The following RANBP2 variants were observed in gnomAD, a reference collection of about 807,000 sequenced individuals.
RANBP2 encodes the protein RAN binding protein 2.
In RANBP2, 57 loss-of-function variants were observed where a neutral mutation model predicts 303.6. That is an observed-to-expected ratio of 0.19 (90% CI 0.15 to 0.23). RANBP2 has a LOEUF of 0.23. RANBP2 is among the 10% of genes least tolerant of loss of function. The pLI, the probability that RANBP2 is intolerant of heterozygous loss-of-function variation, is 1.00. For missense variants in RANBP2, 3,138 were observed against 3,780.8 expected, an observed-to-expected ratio of 0.83 and a Z score of 4.46; for synonymous variants, 1,167 against 1,301.5, an observed-to-expected ratio of 0.90 and a Z score of 2.23.
the RANBP2 span, among the ~76,000 whole-genome samples, chr2:109,143,389 T>G: frequency 2.0e-5 from 3 of 152,182 alleles, no homozygotes; most frequent in African/African-American, 4.8e-5. Flanking sequence ...CATTTCAGCA[T>G]TATTCACAGG....
the RANBP2 span, among the ~76,000 whole-genome samples, chr2:109,651,726 C>G: frequency 1.3e-5 from 2 of 152,166 alleles, no homozygotes; most frequent in African/African-American, 2.4e-5. Flanking sequence ...GACAAGGAGG[C>G]CTGGGAAGAA....
chr2:109,699,268 T>C, the RANBP2 span, among the ~76,000 whole-genome samples: 1 of 152,238 alleles, frequency 6.6e-6, no homozygotes, highest in African/African-American at 2.4e-5. Flanking sequence ...GCGCATTTTC[T>C]TTAGTACTCT....
chr2:109,079,096 AT>A, the RANBP2 span, among the ~76,000 whole-genome samples: 1 of 152,164 alleles, frequency 6.6e-6, no homozygotes, highest in African/African-American at 2.4e-5. Context: ...ATGCGTTTAA[AT>A]TACAAGAGTC....
chr2:109,562,764 A>C, the RANBP2 span, among the ~76,000 whole-genome samples: 1 of 152,172 alleles, frequency 6.6e-6, no homozygotes, highest in Non-Finnish European at 1.5e-5. Context: ...GTCTCCTCTG[A>C]GAAACACTAG....
At chr2:108,861,472 C>CTTTTTTTTTTTTTTTTTTTTTTT in the RANBP2 span, among the ~76,000 whole-genome samples, 1 of 123,552 alleles carries the variant, frequency 8.1e-6, no homozygotes, top group Admixed American at 7.7e-5. Context: ...AACTTTCTTC[C>CTTTTTTTTTTTTTTTTTTTTTTT]TTTTTTTTTT....
At chr2:108,810,909 T>TA in the RANBP2 span, among the ~76,000 whole-genome samples, 1 of 152,172 alleles carries the variant, frequency 6.6e-6, no homozygotes, top group Non-Finnish European at 1.5e-5. Context: ...GGTTCAGTCT[T>TA]ACGTTATATG....
the RANBP2 span, among the ~76,000 whole-genome samples, chr2:109,700,013 T>A: frequency 6.6e-6 from 1 of 152,232 alleles, no homozygotes; most frequent in Non-Finnish European, 1.5e-5. Flanking sequence ...GTTTAAGTTT[T>A]TATGGCAGGA....
the RANBP2 span, chr2:109,544,284 C>T: frequency 1.2e-6 from 2 of 1,611,060 alleles, no homozygotes; most frequent in Non-Finnish European, 1.7e-6. Context: ...GTGATGATGA[C>T]CTTCTGTGCT....
the RANBP2 span, among the ~76,000 whole-genome samples, chr2:108,819,547 A>G: frequency 4.3e-3 from 648 of 152,280 alleles, 6 homozygotes; most frequent in Middle Eastern, 0.02. Flanking sequence ...GGACACAGCG[A>G]TTATGGGTTT....
the RANBP2 span, among the ~76,000 whole-genome samples, chr2:109,333,041 G>A: frequency 6.6e-6 from 1 of 152,232 alleles, no homozygotes; most frequent in Non-Finnish European, 1.5e-5. Flanking sequence ...TTGGGAATGC[G>A]CGTGAGTGCA....
At chr2:108,759,922 C>T (rs191820777) in intron 18 of RANBP2, among the ~76,000 whole-genome samples, 2 of 152,224 alleles carry the variant, frequency 1.3e-5, no homozygotes, top group Admixed American at 6.5e-5. Context: ...TTTATTCTTG[C>T]AATGACCCTG....
At chr2:109,404,397 C>G in the RANBP2 span, among the ~76,000 whole-genome samples, 1 of 152,196 alleles carries the variant, frequency 6.6e-6, no homozygotes, top group African/African-American at 2.4e-5. Context: ...AGCGCCTGGC[C>G]TCTGAGTAGC....
the RANBP2 span, among the ~76,000 whole-genome samples, chr2:108,969,812 A>G: frequency 2.0e-5 from 3 of 152,230 alleles, no homozygotes; most frequent in Admixed American, 2.0e-4. Flanking sequence ...CAAAATATTA[A>G]TAACAACGCA....
the RANBP2 span, among the ~76,000 whole-genome samples, chr2:108,956,796 G>T: frequency 0.027 from 3,921 of 146,190 alleles, 105 homozygotes; most frequent in African/African-American, 0.07. Flanking sequence ...TTTTTTTTTT[G>T]TTTTTTTTGA....
At chr2:109,425,884 TTTTCTTTC>T in the RANBP2 span, among the ~76,000 whole-genome samples, 3 of 152,032 alleles carry the variant, frequency 2.0e-5, no homozygotes, top group African/African-American at 4.8e-5. Flanking sequence ...AAGTACATCT[TTTTCTTTC>T]TTTCTTTCTT....
chr2:109,485,721 G>A, the RANBP2 span, among the ~76,000 whole-genome samples: 1 of 152,282 alleles, frequency 6.6e-6, no homozygotes, highest in South Asian at 2.1e-4. Flanking sequence ...GTGTGTGACT[G>A]TGAGTGTGTA....
chr2:108,902,288 A>C, the RANBP2 span, among the ~76,000 whole-genome samples: 2 of 152,142 alleles, frequency 1.3e-5, no homozygotes, highest in African/African-American at 2.4e-5. Context: ...AGGCAAGAGA[A>C]TCACTTGAAC....
chr2:109,113,432 G>A, the RANBP2 span, among the ~76,000 whole-genome samples: 1 of 152,120 alleles, frequency 6.6e-6, no homozygotes, highest in African/African-American at 2.4e-5. Flanking sequence ...TTGGCTGTCT[G>A]TTTGTCTGTT....
At chr2:109,134,205 T>TG in the RANBP2 span, among the ~76,000 whole-genome samples, 1 of 152,200 alleles carries the variant, frequency 6.6e-6, no homozygotes, top group African/African-American at 2.4e-5. Context: ...GATTGATATT[T>TG]GGGCAAGTCA....
Sources: gnomAD v4.1 joint callset for allele counts (sites outside exome capture counted in the v4.1 genomes callset) on GRCh38, gnomAD v4.1.1 for gene constraint, MANE v1.5 for transcripts, NCBI Gene and HGNC (gene_info 2026-07-23, HGNC 2026-07-21) for gene names.